ANKRD12: variants seen among roughly 807,000 people sequenced by gnomAD.
ANKRD12 encodes the protein ankyrin repeat domain 12, also known as ankyrin repeat domain-containing protein 12.
Under a neutral mutation model 183.4 loss-of-function variants are expected in ANKRD12, and 85 were observed. The observed-to-expected ratio is 0.46, with a 90% confidence interval of 0.39 to 0.56. ANKRD12 has a LOEUF of 0.56. Ranked by LOEUF, ANKRD12 falls within the 20% of genes least tolerant of loss-of-function variation. The pLI is 0.00. For missense variants in ANKRD12, 2,405 were observed against 2,357.1 expected (o/e 1.02, Z -0.42); for synonymous variants, 914 against 800.2 (o/e 1.14, Z -2.40).
chr18:9,216,889 G>A lies in ANKRD12; in HGVS notation c.784G>A (p.Gly262Arg). The change falls in exon 7 of 13, where the codon GGG becomes AGG. Residue 262 changes from glycine to arginine, a missense_variant. Around this residue, in one of 7 missense-constraint regions of ANKRD12, gnomAD observed 40 missense variants for 54.2 expected, o/e 0.74. Transcript: ENST00000262126. ...DTPLHDSASS[G>R]HRDIVKLLLR... ...TCCACTCCATGATTCTGCTAGTAGT[G>A]GGCACAGAGATGTAAGTATGATAGA... 1.9e-6 allele frequency: 3 copies of A among 1,612,164 alleles called. No individual in the cohort carries two copies. Among genetic ancestry groups the A allele is most frequent in the Admixed American group, 1.7e-5 (1 of 59,634 alleles).
At chr18:9,250,092 TTAA>T (rs1455629545) in intron 8 of ANKRD12, 1 of 152,208 alleles carries the variant, frequency 6.6e-6, no homozygotes, top group Non-Finnish European at 1.5e-5. Context: ...ATAATAGGGC[TTAA>T]TAAATAGTGG....
At chr18:9,209,947 T>G (rs982815692) in intron 5 of ANKRD12, among the ~76,000 whole-genome samples, 1 of 152,156 alleles carries the variant, frequency 6.6e-6, no homozygotes, top group African/African-American at 2.4e-5. Context: ...TTCTTATCTT[T>G]ATTTATGTAG....
chr18:9,182,419 T>C lies in ANKRD12; in HGVS notation c.-14T>C. 2 of 1,589,298 alleles carry C rather than the reference T, an allele frequency of 1.3e-6. No homozygotes were observed. Among genetic ancestry groups the C allele is most frequent in the Non-Finnish European group, 1.7e-6 (2 of 1,162,556 alleles). ...AAGACTGATAAAAGAAGAAGCTAGC[T>C]GAACAGCTGTAAAATGCCCAAATCT... On this transcript the variant is annotated 5_prime_UTR_variant, in exon 2 of 13. It removes the in-frame stop codon of an upstream open reading frame in the 5' UTR. Transcript: ENST00000262126.
intron 2 of ANKRD12, among the ~76,000 whole-genome samples, chr18:9,186,212 G>A (rs2144249666): frequency 6.7e-6 from 1 of 149,862 alleles, no homozygotes; most frequent in Non-Finnish European, 1.5e-5. Flanking sequence ...GCGAAAAAGT[G>A]TGATTTCTTA....
chr18:9,179,201 AT>A (rs1400231381), intron 1 of ANKRD12, among the ~76,000 whole-genome samples: 2 of 152,186 alleles, frequency 1.3e-5, no homozygotes, highest in Non-Finnish European at 2.9e-5. Context: ...TACATAGATT[AT>A]CATGGTATCT....
At chr18:9,167,579 C>G (rs1192338795) in intron 1 of ANKRD12, among the ~76,000 whole-genome samples, 1 of 152,170 alleles carries the variant, frequency 6.6e-6, no homozygotes, top group Non-Finnish European at 1.5e-5. Context: ...TATCCTGAGA[C>G]TTTGCTGAAG....
At chr18:9,169,524 A>G (rs995169252) in intron 1 of ANKRD12, among the ~76,000 whole-genome samples, 1 of 152,120 alleles carries the variant, frequency 6.6e-6, no homozygotes, top group Non-Finnish European at 1.5e-5. Context: ...ATCCGAGACT[A>G]GGATTGCAAC....
chr18:9,163,107 A>G (rs966551973), intron 1 of ANKRD12, among the ~76,000 whole-genome samples: 20 of 151,988 alleles, frequency 1.3e-4, no homozygotes, highest in Admixed American at 3.3e-4. Context: ...TCATTGTGAA[A>G]TCTTTGCCTG....
At chr18:9,203,722 A>C (rs2035317412) in intron 3 of ANKRD12, among the ~76,000 whole-genome samples, 1 of 152,164 alleles carries the variant, frequency 6.6e-6, no homozygotes, top group African/African-American at 2.4e-5. Context: ...CTCTGGCCTC[A>C]GCCTCCCAAG....
chr18:9,279,086 GAATTTCTTCAT>G (rs1568011294), intron 11 of ANKRD12, among the ~76,000 whole-genome samples: 2 of 262 alleles, frequency 7.6e-3, no homozygotes, highest in East Asian at 0.071. Context: ...TGTTGATAAA[GAATTTCTTCAT>G]GAGAAAGAAT....
At chr18:9,227,184 A>C (rs1343545438) in intron 8 of ANKRD12, among the ~76,000 whole-genome samples, 4 of 152,130 alleles carry the variant, frequency 2.6e-5, no homozygotes, top group Non-Finnish European at 4.4e-5. Flanking sequence ...GATATGTAAT[A>C]TATATACATA....
At chr18:9,244,220 A>G (rs1056973909) in intron 8 of ANKRD12, among the ~76,000 whole-genome samples, 7 of 152,350 alleles carry the variant, frequency 4.6e-5, no homozygotes, top group African/African-American at 1.7e-4. Flanking sequence ...CTAGAATGCT[A>G]TCATCAGCCA....
At chr18:9,263,946 TA>T (rs2039130784) in intron 10 of ANKRD12, 58 bp downstream of exon 10, 3 of 1,216,968 alleles carry the variant, frequency 2.5e-6, no homozygotes, top group Admixed American at 5.6e-5. Flanking sequence ...AGCAATAAAT[TA>T]AAATGGCCTA....
intron 8 of ANKRD12, among the ~76,000 whole-genome samples, chr18:9,243,251 A>C (rs2037762070): frequency 6.6e-6 from 1 of 152,214 alleles, no homozygotes; most frequent in Non-Finnish European, 1.5e-5. Flanking sequence ...GTCCTGCTGC[A>C]GATGTGAAAT....
In ANKRD12 at chr18:9,277,019, G is replaced by GTT. The variant is rs201356714; in HGVS notation, c.5907+1355_5907+1356dup. On this transcript the variant is annotated intron_variant, in intron 11 of 12. Coordinates refer to ENST00000262126, the MANE Select transcript of ANKRD12 (RefSeq NM_015208.5). ...GTTTTGAGCAATCAGAGAGAAATGA[G>GTT]TTTTAGAGCAATATAAATTGAGGTT... Among the ~76,000 whole-genome samples the GTT allele has an allele frequency of 6.8e-3, 1,035 of 152,306 alleles. 11 individuals are homozygous for GTT. The highest frequency in any genetic ancestry group is 0.023 in the African/African-American group (957 of 41,558).
At chr18:9,190,453 G>A (rs531721673) in intron 2 of ANKRD12, among the ~76,000 whole-genome samples, 1 of 152,282 alleles carries the variant, frequency 6.6e-6, no homozygotes, top group Admixed American at 6.5e-5. Context: ...AAATAATTTA[G>A]TATATTACAT....
chr18:9,173,529 C>A (rs957492313), intron 1 of ANKRD12, among the ~76,000 whole-genome samples: 2 of 148,698 alleles, frequency 1.3e-5, no homozygotes, highest in African/African-American at 5.0e-5. Context: ...CTTTCCTTTA[C>A]CTGTAGGTAT....
chr18:9,180,566 A>T (rs1379503418), intron 1 of ANKRD12, among the ~76,000 whole-genome samples: 1 of 151,676 alleles, frequency 6.6e-6, no homozygotes, highest in East Asian at 1.9e-4. Flanking sequence ...ATTCCATTTT[A>T]ATTTACCTAG....
At chr18:9,232,363 T>C (rs1366687234) in intron 8 of ANKRD12, among the ~76,000 whole-genome samples, 1 of 152,204 alleles carries the variant, frequency 6.6e-6, no homozygotes, top group Non-Finnish European at 1.5e-5. Flanking sequence ...CTATTTCTTC[T>C]TCGTTTATGA....
Sources: gnomAD v4.1 joint callset for allele counts (sites outside exome capture counted in the v4.1 genomes callset) on GRCh38, gnomAD v4.1.1 for gene constraint, gnomAD v4.1.1 regional missense constraint, MANE v1.5 for transcripts, NCBI Gene and HGNC (gene_info 2026-07-23, HGNC 2026-07-21) for gene names.